The following SLC22A3 variants were observed in gnomAD, a reference collection of about 807,000 sequenced individuals.
The protein encoded by SLC22A3 is EMT organic cation transporter 3.
Under a neutral mutation model 59.1 loss-of-function variants are expected in SLC22A3, and 51 were observed. That is an observed-to-expected ratio of 0.86 (90% CI 0.69 to 1.09). The LOEUF (loss-of-function observed/expected upper bound fraction) is 1.09, where lower values mean the gene tolerates loss of function less well. Ranked by LOEUF, SLC22A3 falls within the 50% of genes least tolerant of loss-of-function variation. The pLI is 0.00. For missense variants in SLC22A3, 711 were observed against 726.3 expected, an observed-to-expected ratio of 0.98 and a Z score of 0.24; for synonymous variants, 325 against 292.0, an observed-to-expected ratio of 1.11 and a Z score of -1.15.
chr6:160,429,406 G>A (rs180925448), intron 5 of SLC22A3, among the ~76,000 whole-genome samples: 3 of 152,270 alleles, frequency 2.0e-5, no homozygotes, highest in Non-Finnish European at 4.4e-5. Context: ...GGCTAGACAA[G>A]CAGCTACTAA....
At chr6:160,404,929 G>T (rs1786948472) in intron 2 of SLC22A3, among the ~76,000 whole-genome samples, 1 of 145,028 alleles carries the variant, frequency 6.9e-6, no homozygotes, top group Non-Finnish European at 1.5e-5. Context: ...ATGGATCACA[G>T]ACCTAAATGT....
chr6:160,388,106 C>T (rs1279183328), intron 1 of SLC22A3, among the ~76,000 whole-genome samples: 5 of 152,120 alleles, frequency 3.3e-5, no homozygotes, highest in Non-Finnish European at 7.3e-5. Flanking sequence ...AGAGCTGAGC[C>T]TCCCCCAGCC....
intron 7 of SLC22A3, among the ~76,000 whole-genome samples, chr6:160,437,515 G>A (rs116290558): frequency 2.4e-4 from 36 of 152,164 alleles, no homozygotes; most frequent in Admixed American, 2.4e-3. Context: ...TGATATCTCT[G>A]ATGTTTAACT....
chr6:160,374,202 G>A (rs1286239741), intron 1 of SLC22A3, among the ~76,000 whole-genome samples: 2 of 152,184 alleles, frequency 1.3e-5, no homozygotes, highest in African/African-American at 2.4e-5. Flanking sequence ...TAGTATCTGG[G>A]CCAGAATGCA....
At chr6:160,389,613 A>AGCAGG (rs1786168817) in intron 1 of SLC22A3, among the ~76,000 whole-genome samples, 1 of 152,236 alleles carries the variant, frequency 6.6e-6, no homozygotes, top group Admixed American at 6.5e-5. Flanking sequence ...CCACTGGTAG[A>AGCAGG]GCAGGTCAGA....
At chr6:160,416,192 A>G (rs1787481867) in intron 5 of SLC22A3, among the ~76,000 whole-genome samples, 1 of 152,146 alleles carries the variant, frequency 6.6e-6, no homozygotes, top group Non-Finnish European at 1.5e-5. Context: ...TAGCAGGGAG[A>G]AATACAGGTG....
chr6:160,405,560 T>C (rs541770028), intron 2 of SLC22A3, among the ~76,000 whole-genome samples: 2 of 152,286 alleles, frequency 1.3e-5, no homozygotes, highest in Non-Finnish European at 2.9e-5. Context: ...GCAATTGTAC[T>C]CCTTGGTATT....
intron 1 of SLC22A3, among the ~76,000 whole-genome samples, chr6:160,353,045 G>A (rs767244393): frequency 2.6e-4 from 40 of 152,212 alleles, no homozygotes; most frequent in Admixed American, 7.8e-4. Context: ...GACCTCAGGC[G>A]ATCTGCTTGC....
At chr6:160,445,556 A>G (rs1788708812) in intron 9 of SLC22A3, among the ~76,000 whole-genome samples, 1 of 152,192 alleles carries the variant, frequency 6.6e-6, no homozygotes, top group Non-Finnish European at 1.5e-5. Flanking sequence ...CTGATGGTAG[A>G]TATGCAAGTG....
intron 5 of SLC22A3, among the ~76,000 whole-genome samples, chr6:160,414,961 G>C (rs1336856846): frequency 6.6e-6 from 1 of 152,090 alleles, no homozygotes; most frequent in Non-Finnish European, 1.5e-5. Flanking sequence ...CCCTCTAGTA[G>C]CTTCTGAATA....
chr6:160,410,625 GTA>G (rs2114859952), intron 4 of SLC22A3, 102 bp from the exon 5 acceptor site: 1 of 769,618 alleles, frequency 1.3e-6, no homozygotes, highest in South Asian at 1.4e-5. Context: ...ACTCCTAAAT[GTA>G]TATCTAATTG....
chr6:160,446,672 G>A (rs1583522017), intron 9 of SLC22A3, among the ~76,000 whole-genome samples: 1 of 152,192 alleles, frequency 6.6e-6, no homozygotes, highest in Non-Finnish European at 1.5e-5. Context: ...TGGATAGACA[G>A]AGCCAAACCA....
chr6:160,384,515 G>A (rs1355151442), intron 1 of SLC22A3, among the ~76,000 whole-genome samples: 2 of 152,178 alleles, frequency 1.3e-5, no homozygotes, highest in Admixed American at 6.5e-5. Context: ...CATTCAGGGA[G>A]GGGCAACTCA....
intron 5 of SLC22A3, among the ~76,000 whole-genome samples, chr6:160,418,304 C>G (rs753858920): frequency 3.9e-5 from 6 of 152,184 alleles, no homozygotes; most frequent in Non-Finnish European, 5.9e-5. Flanking sequence ...ACATCAGACT[C>G]CAGGTTCTTC....
At chr6:160,354,100 G>GTAAA (rs1784750274) in intron 1 of SLC22A3, among the ~76,000 whole-genome samples, 1 of 152,172 alleles carries the variant, frequency 6.6e-6, no homozygotes, top group Non-Finnish European at 1.5e-5. Context: ...GGAGCTTTGG[G>GTAAA]CAAAGGTAGG....
chr6:160,443,736 A>G lies in SLC22A3; in HGVS notation c.1504A>G (p.Ile502Val). The G allele has an allele frequency of 1.2e-6, 2 of 1,600,798 alleles. No homozygotes were observed. The highest frequency in any genetic ancestry group is 1.1e-5 in the South Asian group (1 of 88,866). Residue 502 changes from isoleucine (I) to valine (V), a missense_variant, in exon 9 of 11, where the codon ATC (isoleucine) becomes GTC (valine). Physicochemically the swap from Ile to Val is conservative, Grantham distance 29 (BLOSUM62 3). Coordinates refer to ENST00000275300, the MANE Select transcript of SLC22A3 (RefSeq NM_021977.4). ...AAVWLELPLI[I>V]FGILASICGG... Reference sequence around the variant, plus strand: ...CGTGTGGCTAGAACTACCTCTGATCATCTTTGGTAAGAACTCATTTGCTAT... The same window carrying G: ...CGTGTGGCTAGAACTACCTCTGATCGTCTTTGGTAAGAACTCATTTGCTAT...
chr6:160,410,701 A>G (rs1329384858), intron 4 of SLC22A3, 28 bp from the exon 5 acceptor site: 1 of 1,414,752 alleles, frequency 7.1e-7, no homozygotes. Context: ...TCCTAGACAT[A>G]ACTCACAACA....
intron 1 of SLC22A3, among the ~76,000 whole-genome samples, chr6:160,357,792 A>G (rs73589270): frequency 0.062 from 9,516 of 152,272 alleles, 881 homozygotes; most frequent in African/African-American, 0.21. Flanking sequence ...ATCAACTTTA[A>G]AGAAATCAAA....
intron 4 of SLC22A3, among the ~76,000 whole-genome samples, chr6:160,410,158 A>G (rs1787187609): frequency 6.6e-6 from 1 of 152,294 alleles, no homozygotes; most frequent in Admixed American, 6.5e-5. Flanking sequence ...CTGGGATTAC[A>G]GGCATGCACC....
Sources: gnomAD v4.1 joint callset for allele counts (sites outside exome capture counted in the v4.1 genomes callset) on GRCh38, gnomAD v4.1.1 for gene constraint, MANE v1.5 for transcripts, NCBI Gene and HGNC (gene_info 2026-07-23, HGNC 2026-07-21) for gene names.